SGF29: variants seen among roughly 807,000 people sequenced by gnomAD.
SGF29 encodes the protein SAGA complex associated factor 29, also known as SAGA-associated factor 29.
Under a neutral mutation model 38.1 loss-of-function variants are expected in SGF29, and 15 were observed. The observed-to-expected ratio is 0.39, with a 90% CI of 0.26 to 0.61. SGF29 has a LOEUF of 0.61. Ranked by LOEUF, SGF29 falls within the 20% of genes least tolerant of loss-of-function variation. The pLI is 0.49. For missense variants in SGF29, 184 were observed against 394.6 expected (o/e 0.47, Z 4.52); for synonymous variants, 151 against 160.8 (o/e 0.94, Z 0.46).
chr16:28,564,683 ATG>A (rs71961568), intron 1 of SGF29, among the ~76,000 whole-genome samples: 3,192 of 66,298 alleles, frequency 0.048, 86 homozygotes, highest in East Asian at 0.1. Flanking sequence ...ATGTATATAT[ATG>A]TGTATATATA....
chr16:28,556,151 A>T (rs1413311067), intron 1 of SGF29, among the ~76,000 whole-genome samples: 2 of 152,114 alleles, frequency 1.3e-5, no homozygotes, highest in Non-Finnish European at 2.9e-5. Context: ...TAACCAATTG[A>T]TGAATATAGA....
At chr16:28,580,871 C>T (rs536129803) in intron 1 of SGF29, among the ~76,000 whole-genome samples, 184 bp from the exon 2 acceptor site, 6 of 152,186 alleles carry the variant, frequency 3.9e-5, no homozygotes, top group East Asian at 1.9e-4. Context: ...TTTGTAAAGA[C>T]GGGGTCTCCG....
At chr16:28,585,814 C>G in intron 4 of SGF29, 94 bp downstream of exon 4, 1 of 1,198,636 alleles carries the variant, frequency 8.3e-7, no homozygotes, top group African/African-American at 1.5e-5. Flanking sequence ...CTGCCTTCCT[C>G]CCATGGATAA....
intron 2 of SGF29, among the ~76,000 whole-genome samples, chr16:28,584,693 G>T (rs2046945215): frequency 6.6e-6 from 1 of 151,788 alleles, no homozygotes; most frequent in African/African-American, 2.4e-5. Flanking sequence ...GGAGGCTGAG[G>T]CAGGAGAAAG....
In SGF29 at chr16:28,564,624, C is replaced by T. The variant is rs374968157; in HGVS notation, c.-16+10527C>T. Among the ~76,000 whole-genome samples, 126 of 98,714 alleles carry T rather than the reference C, an allele frequency of 1.3e-3. 1 individual carries two copies. The highest frequency in any genetic ancestry group is 7.6e-3 in the East Asian group (32 of 4,204). The allele number at this position is 98,714 out of a possible 152,430, so 64.8% of individuals were successfully genotyped here. A position where few individuals can be genotyped will look rare whatever the true frequency, so the allele number is the denominator to read the frequency against. Reference sequence around the variant, plus strand: ...ATATGTGTATATATATACATATATGCATATATATACGTATATATGTGTATA... The same window carrying T: ...ATATGTGTATATATATACATATATGTATATATATACGTATATATGTGTATA... On this transcript the variant is annotated intron_variant, in intron 1 of 9. Transcript: ENST00000317058.
intron 1 of SGF29, among the ~76,000 whole-genome samples, chr16:28,554,689 T>A (rs2046736555): frequency 6.6e-6 from 1 of 152,094 alleles, no homozygotes; most frequent in South Asian, 2.1e-4. Flanking sequence ...TCGGCTCCGG[T>A]TTGCAGCCAA....
rs2151654497 is a variant in SGF29 at position 28,589,089 on chromosome 16, C to T, written c.225-11C>T. On this transcript the variant is annotated splice_polypyrimidine_tract_variant and intron_variant, in intron 4 of 9. Coordinates refer to ENST00000317058, the MANE Select transcript of SGF29 (RefSeq NM_138414.3). ...AACCAAACCCTCTTTCTCCCTTCTC[C>T]CCGCCCTCAGCATCCTTCGGAAAGC... 1.9e-6 allele frequency: 3 copies of T among 1,614,116 alleles called. No individual in the cohort carries two copies. Among genetic ancestry groups the T allele is most frequent in the Non-Finnish European group, 2.5e-6 (3 of 1,179,958 alleles).
rs754759491 is a variant in SGF29 at position 28,590,625 on chromosome 16, C to G, written c.567-6C>G. On this transcript the variant is annotated splice_polypyrimidine_tract_variant and splice_region_variant and intron_variant, in intron 7 of 9. Coordinates refer to ENST00000317058, the MANE Select transcript of SGF29 (RefSeq NM_138414.3). The surrounding 1 kb of genome is among the most constrained non-coding windows in gnomAD (Gnocchi z 8.2). Reference sequence around the variant, plus strand: ...GCATCCAGCCTTTTCCTCCTTTTGTCTGCAGGTATGAGGTAGATGACATCG... The same window carrying G: ...GCATCCAGCCTTTTCCTCCTTTTGTGTGCAGGTATGAGGTAGATGACATCG... 2 of 1,613,692 alleles carry G rather than the reference C, an allele frequency of 1.2e-6. No homozygotes were observed. The highest frequency in any genetic ancestry group is 1.7e-6 in the Non-Finnish European group (2 of 1,180,000).
At chr16:28,564,745 GTA>G (rs1171046809) in intron 1 of SGF29, among the ~76,000 whole-genome samples, 3 of 23,472 alleles carry the variant, frequency 1.3e-4, no homozygotes, top group African/African-American at 3.0e-4. Flanking sequence ...ATGTATATAT[GTA>G]TATATATGTA....
intron 4 of SGF29, 119 bp from the exon 5 acceptor site, chr16:28,588,981 C>T (rs1567293220): frequency 9.8e-7 from 1 of 1,017,464 alleles, no homozygotes; most frequent in Non-Finnish European, 1.5e-6. Flanking sequence ...ACTGTGAGAA[C>T]CTCTGGAGTC....
At chr16:28,564,773 GTATA>G (rs369629923) in intron 1 of SGF29, among the ~76,000 whole-genome samples, 1,595 of 37,446 alleles carry the variant, frequency 0.043, 77 homozygotes, top group African/African-American at 0.12. Context: ...GTATATATAT[GTATA>G]TATATATATA....
chr16:28,564,658 T>TATATATAC (rs2046817932), intron 1 of SGF29, among the ~76,000 whole-genome samples: 2 of 80,334 alleles, frequency 2.5e-5, no homozygotes, highest in South Asian at 2.9e-4. Flanking sequence ...TATATACGTA[T>TATATATAC]ATATATGCAT....
intron 1 of SGF29, among the ~76,000 whole-genome samples, chr16:28,555,966 A>G (rs2046748349): frequency 6.6e-6 from 1 of 152,140 alleles, no homozygotes; most frequent in African/African-American, 2.4e-5. Flanking sequence ...CCCCAGCTCA[A>G]CTACCTATTT....
intron 1 of SGF29, among the ~76,000 whole-genome samples, chr16:28,575,445 C>T (rs1461763240): frequency 1.3e-5 from 2 of 152,194 alleles, no homozygotes; most frequent in Admixed American, 6.5e-5. Context: ...CTTTGGGAGG[C>T]CAAGGCGGGT....
At position 28,581,095 on chromosome 16, in the gene SGF29, G is replaced by C; in HGVS notation, c.26G>C (p.Arg9Pro). 1 of 1,613,984 alleles carries C rather than the reference G, an allele frequency of 6.2e-7. No homozygotes were observed. The highest frequency in any genetic ancestry group is 8.5e-7 in the Non-Finnish European group (1 of 1,179,958). MALVSADS[R>P]IAELLTELHQ... ...ATGGCCCTCGTGTCTGCCGATTCCC[G>C]CATTGCAGAACTTCTCACAGAGCTC... Residue 9 changes from arginine (R) to proline (P), a missense_variant, in exon 2 of 10, where the codon CGC becomes CCC. By Grantham distance (103) the Arg-to-Pro change is moderately radical. This residue lies in a region of SGF29 where 77 missense variants were observed against 117.7 expected (regional missense o/e 0.65). Transcript: ENST00000317058.
intron 1 of SGF29, among the ~76,000 whole-genome samples, chr16:28,557,417 C>A (rs1351143762): frequency 6.6e-6 from 1 of 152,202 alleles, no homozygotes; most frequent in Admixed American, 6.5e-5. Flanking sequence ...CTCTTCGCTC[C>A]TTCCCACATG....
intron 1 of SGF29, among the ~76,000 whole-genome samples, chr16:28,574,535 G>A (rs1338570232): frequency 2.0e-5 from 3 of 152,178 alleles, no homozygotes; most frequent in Non-Finnish European, 4.4e-5. Context: ...GGACCGTCAG[G>A]AAATGGCCTC....
rs4987223 is a variant in SGF29 at position 28,591,761 on chromosome 16, C to T, written c.*55C>T. 1,502 of 1,419,012 alleles carry T rather than the reference C, an allele frequency of 1.1e-3. 19 individuals are homozygous for T. In the African/African-American group the frequency reaches 0.019, roughly 18 times the overall value. 87.9% of individuals were successfully genotyped at this position (1,419,012 alleles called of 1,614,324 possible). ...CGACACAGGGCAGGACAGCAGAGGACGTGCTGGGATTAAACACATTCCCCC... is the reference window on the plus strand; with the variant it reads ...CGACACAGGGCAGGACAGCAGAGGATGTGCTGGGATTAAACACATTCCCCC... On this transcript the variant is annotated 3_prime_UTR_variant, in exon 10 of 10. Transcript: ENST00000317058.
At chr16:28,580,211 C>T (rs932887454) in intron 1 of SGF29, among the ~76,000 whole-genome samples, 7 of 152,072 alleles carry the variant, frequency 4.6e-5, no homozygotes, top group Non-Finnish European at 1.0e-4. Context: ...TTGACTTCGT[C>T]GAACATATGA....
Sources: gnomAD v4.1 joint callset for allele counts (sites outside exome capture counted in the v4.1 genomes callset) on GRCh38, gnomAD v4.1.1 for gene constraint, gnomAD v4.1.1 regional missense constraint, Gnocchi (gnomAD v3.1) non-coding constraint, MANE v1.5 for transcripts, NCBI Gene and HGNC (gene_info 2026-07-23, HGNC 2026-07-21) for gene names.